Variants in NRCAM observed in about 807,000 individuals in gnomAD.
The protein encoded by NRCAM is NgCAM-related cell adhesion molecule.
NRCAM carries 83 observed loss-of-function variants against 156.5 expected under a neutral mutation model. That is an observed-to-expected ratio of 0.53 (90% CI 0.44 to 0.64). The LOEUF (loss-of-function observed/expected upper bound fraction) is 0.64, where lower values mean the gene tolerates loss of function less well. Among genes scored for constraint, NRCAM ranks in the 30% least tolerant of loss-of-function variants. NRCAM has a pLI of 0.00. For synonymous variants in NRCAM, 538 were observed against 563.9 expected, an observed-to-expected ratio of 0.95 and a Z score of 0.65; for missense variants, 1,417 against 1,597.3, an observed-to-expected ratio of 0.89 and a Z score of 1.92.
At chr7:108,165,723 ATTG>A (rs1049731053) in intron 30 of NRCAM, among the ~76,000 whole-genome samples, 182 of 152,288 alleles carry the variant, frequency 1.2e-3, no homozygotes, top group African/African-American at 4.1e-3. Flanking sequence ...TTAATACATT[ATTG>A]TTGTTTCTTT....
chr7:108,152,939 G>A (rs1336882115), intron 32 of NRCAM, among the ~76,000 whole-genome samples: 1 of 152,154 alleles, frequency 6.6e-6, no homozygotes, highest in Non-Finnish European at 1.5e-5. Flanking sequence ...TGGAATAACA[G>A]AGAAAAAGAT....
intron 11 of NRCAM, among the ~76,000 whole-genome samples, chr7:108,215,731 C>CTTTTTTT (rs60725485): frequency 7.8e-6 from 1 of 127,656 alleles, no homozygotes. Context: ...CAACCCCTGC[C>CTTTTTTT]TTTTTTTTTT....
At chr7:108,187,096 G>C (rs1358214348) in intron 20 of NRCAM, among the ~76,000 whole-genome samples, 3 of 152,170 alleles carry the variant, frequency 2.0e-5, no homozygotes, top group Admixed American at 6.5e-5. Context: ...TCAGTGCACA[G>C]TTTGGGAACC....
At chr7:108,423,424 G>C (rs928367705) in intron 1 of NRCAM, among the ~76,000 whole-genome samples, 1 of 151,942 alleles carries the variant, frequency 6.6e-6, no homozygotes, top group African/African-American at 2.4e-5. Context: ...GATTCAGAGA[G>C]AAAAGGAAGA....
At chr7:108,345,374 C>T (rs933722011) in intron 2 of NRCAM, among the ~76,000 whole-genome samples, 2 of 152,092 alleles carry the variant, frequency 1.3e-5, no homozygotes, top group African/African-American at 4.8e-5. Flanking sequence ...ATAAGGAAAA[C>T]CTATCTAAAT....
intron 30 of NRCAM, among the ~76,000 whole-genome samples, chr7:108,164,548 G>C (rs112762242): frequency 0.023 from 43 of 1,906 alleles, 1 homozygote; most frequent in East Asian, 0.5. Context: ...CCGCGGAACC[G>C]AGAGGAGAGG....
chr7:108,239,583 G>C (rs1214187015), intron 4 of NRCAM, among the ~76,000 whole-genome samples: 2 of 152,042 alleles, frequency 1.3e-5, no homozygotes, highest in African/African-American at 2.4e-5. Flanking sequence ...GAGTGGGGAG[G>C]TCTCCATGAT....
intron 1 of NRCAM, 145 bp from the exon 2 acceptor site, chr7:108,399,738 A>G (rs2099786539): frequency 1.3e-5 from 2 of 152,260 alleles, no homozygotes; most frequent in South Asian, 2.1e-4. Flanking sequence ...TTAACCAAGC[A>G]TTATTGTACT....
intron 10 of NRCAM, among the ~76,000 whole-genome samples, chr7:108,225,292 T>C (rs1031594513): frequency 2.6e-5 from 4 of 152,284 alleles, no homozygotes; most frequent in South Asian, 4.2e-4. Context: ...AGCAAGTTAA[T>C]GCACCCTGCC....
chr7:108,298,862 T>C (rs1167525490), intron 3 of NRCAM, among the ~76,000 whole-genome samples: 1 of 150,876 alleles, frequency 6.6e-6, no homozygotes, highest in Non-Finnish European at 1.5e-5. Context: ...TCCCAGCACT[T>C]TGTGAAGCCG....
chr7:108,363,736 G>A (rs1042770152), intron 2 of NRCAM, among the ~76,000 whole-genome samples: 4 of 152,150 alleles, frequency 2.6e-5, no homozygotes, highest in Non-Finnish European at 1.5e-5. Flanking sequence ...ATGATGTGAT[G>A]AAAATAGCAC....
intron 1 of NRCAM, among the ~76,000 whole-genome samples, chr7:108,417,668 A>T (rs552860221): frequency 1.3e-5 from 2 of 152,164 alleles, no homozygotes; most frequent in Non-Finnish European, 2.9e-5. Context: ...TTTAATTCAG[A>T]TGTCCAGAAC....
At chr7:108,398,659 A>G (rs1305014707) in intron 2 of NRCAM, among the ~76,000 whole-genome samples, 1 of 152,140 alleles carries the variant, frequency 6.6e-6, no homozygotes, top group Non-Finnish European at 1.5e-5. Flanking sequence ...CACTTTCAGG[A>G]GCCATTTTAG....
intron 11 of NRCAM, among the ~76,000 whole-genome samples, chr7:108,211,583 G>A (rs1282462183): frequency 6.6e-6 from 1 of 152,240 alleles, no homozygotes; most frequent in Admixed American, 6.5e-5. Context: ...GTTTGCGTGG[G>A]AGCTGGGTGA....
At position 108,249,091 on chromosome 7, in the gene NRCAM, A is replaced by G. The variant is rs181521502; in HGVS notation, c.-106-8921T>C. Among the ~76,000 whole-genome samples, 656 of 152,296 alleles carry G rather than the reference A, an allele frequency of 4.3e-3. 2 individuals are homozygous for G. Among genetic ancestry groups the G allele is most frequent in the Non-Finnish European group, 7.3e-3 (499 of 68,024 alleles). On this transcript the variant is annotated intron_variant, in intron 3 of 32. Coordinates refer to ENST00000379028, the MANE Select transcript of NRCAM (RefSeq NM_001037132.4). The stretch of plus-strand genomic sequence containing the variant: ...GCTCCCCGCAAACAAGGGCCTGAGC[A>G]TGTGTGTTGGGGAGGCAAAAGGCTC...
intron 25 of NRCAM, among the ~76,000 whole-genome samples, chr7:108,178,846 C>CAGTG (rs1402819262): frequency 3.3e-5 from 5 of 152,190 alleles, no homozygotes; most frequent in Non-Finnish European, 7.3e-5. Flanking sequence ...ACTAATGGAA[C>CAGTG]CACTCTCCCT....
intron 2 of NRCAM, among the ~76,000 whole-genome samples, chr7:108,314,892 G>T (rs34025892): frequency 0.18 from 27,385 of 152,056 alleles, 3,325 homozygotes; most frequent in East Asian, 0.44. Context: ...CAACTCTAAA[G>T]ATATTAGAGA....
At chr7:108,449,046 C>T (rs1847553808) in intron 1 of NRCAM, among the ~76,000 whole-genome samples, 1 of 152,200 alleles carries the variant, frequency 6.6e-6, no homozygotes, top group South Asian at 2.1e-4. Flanking sequence ...GAGTGAGCGC[C>T]AGACACAGGG....
At chr7:108,243,573 T>C (rs974973786) in intron 3 of NRCAM, among the ~76,000 whole-genome samples, 7 of 152,214 alleles carry the variant, frequency 4.6e-5, no homozygotes, top group Non-Finnish European at 8.8e-5. Context: ...CAATTTGAAA[T>C]AGCAGCATGA....
Sources: allele counts gnomAD v4.1 joint callset (sites outside exome capture counted in the v4.1 genomes callset), GRCh38; gene constraint gnomAD v4.1.1; transcripts MANE v1.5; gene names NCBI Gene and HGNC (gene_info 2026-07-23, HGNC 2026-07-21).